Variants in ZYG11B observed in about 807,000 individuals in gnomAD.
ZYG11B encodes zyg-11 family member B, cell cycle regulator.
In ZYG11B, 36 loss-of-function variants were observed where a neutral mutation model predicts 82.4. The observed-to-expected ratio is 0.44, with a 90% confidence interval of 0.33 to 0.58. The LOEUF (loss-of-function observed/expected upper bound fraction) is 0.58. Among genes scored for constraint, ZYG11B ranks in the 20% least tolerant of loss-of-function variants. The pLI, the probability that ZYG11B is intolerant of heterozygous loss-of-function variation, is 0.02. For missense variants in ZYG11B, 552 were observed against 895.6 expected (o/e 0.62, Z 4.90); for synonymous variants, 303 against 312.8 (o/e 0.97, Z 0.33).
Position 52,755,273 on chromosome 1 carries a change from C to T in ZYG11B, c.31-1185C>T, listed in dbSNP as rs77098467. Among the ~76,000 whole-genome samples, 1,006 of 151,664 alleles carry T rather than the reference C, an allele frequency of 6.6e-3. 14 individuals carry two copies. Among genetic ancestry groups the T allele is most frequent in the African/African-American group, 0.023 (964 of 41,386 alleles). ...ACTGCACCCGGCCAAAAAGCAAGCCCGTTGAATTATCCTGGCATTCTTGTC... is the reference window on the plus strand; with the variant it reads ...ACTGCACCCGGCCAAAAAGCAAGCCTGTTGAATTATCCTGGCATTCTTGTC... On this transcript the variant is annotated intron_variant, in intron 1 of 13. Transcript: ENST00000294353.
chr1:52,817,777 G>GTATGTATATATATA (rs1645240000), intron 13 of ZYG11B, among the ~76,000 whole-genome samples: 4 of 41,540 alleles, frequency 9.6e-5, no homozygotes, highest in South Asian at 9.9e-4. Flanking sequence ...ATATATATGT[G>GTATGTATATATATA]TATATATATA....
intron 10 of ZYG11B, 77 bp downstream of exon 10, chr1:52,802,216 C>T (rs1271197011): frequency 7.0e-7 from 1 of 1,429,376 alleles, no homozygotes; most frequent in Non-Finnish European, 9.7e-7. Context: ...AAAGTTGCAG[C>T]TCTGCAGTGG....
intron 5 of ZYG11B, among the ~76,000 whole-genome samples, chr1:52,785,918 G>T (rs1391255004): frequency 6.6e-6 from 1 of 152,124 alleles, no homozygotes; most frequent in Non-Finnish European, 1.5e-5. Flanking sequence ...TTTAGGCTTT[G>T]ATTTTCGTGG....
At chr1:52,757,976 C>T (rs1183970249) in intron 2 of ZYG11B, among the ~76,000 whole-genome samples, 2 of 151,406 alleles carry the variant, frequency 1.3e-5, no homozygotes, top group East Asian at 2.0e-4. Context: ...TCAAGGTGGG[C>T]GGATCACGAG....
chr1:52,796,976 AAATATATATATT>A (rs1645017607), intron 8 of ZYG11B, among the ~76,000 whole-genome samples, 192 bp downstream of exon 8: 1 of 64,996 alleles, frequency 1.5e-5, no homozygotes, highest in African/African-American at 8.6e-5. Flanking sequence ...TAATATATAT[AAATATATATATT>A]TTTTATATAA....
At chr1:52,760,301 C>T (rs182032029) in intron 2 of ZYG11B, among the ~76,000 whole-genome samples, 221 of 152,082 alleles carry the variant, frequency 1.5e-3, no homozygotes, top group Admixed American at 3.3e-3. Flanking sequence ...AAAATTAGCC[C>T]GGCGTGGTGG....
intron 2 of ZYG11B, among the ~76,000 whole-genome samples, chr1:52,758,933 A>T (rs551918210): frequency 6.6e-6 from 1 of 151,958 alleles, no homozygotes; most frequent in African/African-American, 2.4e-5. Context: ...TCAGTATATT[A>T]TTATTATTAT....
In ZYG11B at chr1:52,770,206, C is replaced by T. The variant is rs185604215; in HGVS notation, c.197-814C>T. On this transcript the variant is annotated intron_variant, in intron 2 of 13. Transcript: ENST00000294353. ...TCCTGGGCTCAAATGATCCTTCCAT[C>T]TCAGCCTCCCTAGTAGCTAGGACTA... 2.1e-3 allele frequency among the ~76,000 whole-genome samples: 310 copies of T among 151,076 alleles called. 1 individual carries two copies. Among genetic ancestry groups the T allele is most frequent in the Middle Eastern group, 6.8e-3 (2 of 292 alleles).
chr1:52,806,090 G>A (rs1287293799), intron 10 of ZYG11B, among the ~76,000 whole-genome samples: 1 of 151,830 alleles, frequency 6.6e-6, no homozygotes, highest in Non-Finnish European at 1.5e-5. Flanking sequence ...TTTAATTTGA[G>A]ATATTTATTC....
At chr1:52,762,401 G>A (rs189762266) in intron 2 of ZYG11B, among the ~76,000 whole-genome samples, 1 of 151,954 alleles carries the variant, frequency 6.6e-6, no homozygotes, top group Non-Finnish European at 1.5e-5. Flanking sequence ...TAGAGGCAGG[G>A]CCTTACCATG....
At chr1:52,746,699 T>TTTTTTTG (rs1644480220) in intron 1 of ZYG11B, among the ~76,000 whole-genome samples, 1 of 138,486 alleles carries the variant, frequency 7.2e-6, no homozygotes, top group Non-Finnish European at 1.5e-5. Flanking sequence ...TTTTTTTTTT[T>TTTTTTTG]TTTTTTTTTT....
intron 3 of ZYG11B, among the ~76,000 whole-genome samples, chr1:52,776,229 A>AAAAAAAAAAAAAAAAATATATAT: frequency 1.3e-4 from 3 of 23,540 alleles, no homozygotes; most frequent in African/African-American, 2.8e-4. Context: ...TAAAAAAAAA[A>AAAAAAAAAAAAAAAAATATATAT]ATATATATAT....
At chr1:52,726,787 T>G in intron 1 of ZYG11B, 104 bp downstream of exon 1, 1 of 1,169,074 alleles carries the variant, frequency 8.6e-7, no homozygotes, top group Non-Finnish European at 1.1e-6. Context: ...TGGTGTCCCC[T>G]CGGGCTCCCT....
intron 1 of ZYG11B, among the ~76,000 whole-genome samples, chr1:52,734,440 G>GTTTT (rs11394003): frequency 6.8e-6 from 1 of 146,422 alleles, no homozygotes; most frequent in African/African-American, 2.5e-5. Flanking sequence ...GGAATAAAAG[G>GTTTT]TTTTTTTTTT....
chr1:52,764,974 T>C (rs953050382), intron 2 of ZYG11B, among the ~76,000 whole-genome samples: 3 of 152,128 alleles, frequency 2.0e-5, no homozygotes, highest in African/African-American at 7.2e-5. Flanking sequence ...ACCATTTATC[T>C]TAGGAAGAAA....
intron 10 of ZYG11B, among the ~76,000 whole-genome samples, chr1:52,813,165 C>T (rs1645197799): frequency 6.6e-6 from 1 of 152,160 alleles, no homozygotes; most frequent in African/African-American, 2.4e-5. Context: ...ATACTACTTT[C>T]TGGTAGTTCT....
intron 8 of ZYG11B, 99 bp from the exon 9 acceptor site, chr1:52,801,720 G>T (rs1054660484): frequency 4.1e-6 from 4 of 968,256 alleles, no homozygotes; most frequent in Non-Finnish European, 6.0e-6. Flanking sequence ...AATGCTTTAA[G>T]CCATGAGACT....
intron 8 of ZYG11B, among the ~76,000 whole-genome samples, chr1:52,797,216 TA>T (rs1279637589): frequency 7.3e-5 from 6 of 81,922 alleles, no homozygotes; most frequent in African/African-American, 2.5e-4. Flanking sequence ...ATATAATATA[TA>T]AATATATATT....
At position 52,801,848 on chromosome 1, in the gene ZYG11B, C is replaced by T. The variant is rs1196003227; in HGVS notation, c.1515C>T (p.Thr505=). 6.3e-7 allele frequency: 1 copy of T among 1,596,568 alleles called. No homozygotes were observed. The highest frequency in any genetic ancestry group is 8.5e-7 in the Non-Finnish European group (1 of 1,174,938). The change falls in exon 9 of 14, where the codon ACC becomes ACT. Residue 505 remains threonine (T), a synonymous_variant. Transcript: ENST00000294353. Reference sequence around the variant, plus strand: ...TTCTTCAAATAGTGAAGCAGAAAACCAATCAAAATTCAGTGGACACTACAT... The same window carrying T: ...TTCTTCAAATAGTGAAGCAGAAAACTAATCAAAATTCAGTGGACACTACAT... ...RQLLQIVKQK[T]NQNSVDTTLK...
Sources: allele counts gnomAD v4.1 joint callset (sites outside exome capture counted in the v4.1 genomes callset), GRCh38; gene constraint gnomAD v4.1.1; transcripts MANE v1.5; gene names NCBI Gene and HGNC (gene_info 2026-07-23, HGNC 2026-07-21).